Variants in HLCS observed in about 807,000 individuals in gnomAD.
The protein encoded by HLCS is biotin--protein ligase.
Under a neutral mutation model 75.0 loss-of-function variants are expected in HLCS, and 53 were observed. The ratio of observed to expected loss-of-function variants is 0.71; its 90% confidence interval spans 0.57 to 0.89. The LOEUF (loss-of-function observed/expected upper bound fraction) is 0.89. HLCS is among the 40% of genes least tolerant of loss of function. The probability of loss-of-function intolerance (pLI) is 0.00; values close to 1 mark genes in which losing one functional copy is unlikely to be tolerated. For missense variants in HLCS, 966 were observed against 1,074.0 expected (o/e 0.90, Z 1.41); for synonymous variants, 431 against 428.6 (o/e 1.01, Z -0.07).
At chr21:36,882,395 T>C (rs981299343) in intron 6 of HLCS, among the ~76,000 whole-genome samples, 2 of 152,014 alleles carry the variant, frequency 1.3e-5, no homozygotes, top group African/African-American at 2.4e-5. Context: ...TGTGTCAAAA[T>C]GGCAGGCAAG....
At chr21:36,843,424 A>G (rs1395465061) in intron 6 of HLCS, among the ~76,000 whole-genome samples, 1 of 151,752 alleles carries the variant, frequency 6.6e-6, no homozygotes, top group African/African-American at 2.4e-5. Context: ...GGCGACAGAG[A>G]GAGACCCTGT....
intron 5 of HLCS, among the ~76,000 whole-genome samples, chr21:36,928,873 C>T (rs1242210042): frequency 1.3e-5 from 2 of 152,156 alleles, no homozygotes; most frequent in Non-Finnish European, 2.9e-5. Flanking sequence ...GCATTTCATT[C>T]CCAAAGTTTG....
chr21:36,846,373 C>A (rs959992424), intron 6 of HLCS, among the ~76,000 whole-genome samples: 1 of 152,182 alleles, frequency 6.6e-6, no homozygotes. Context: ...TGTCGAGGTC[C>A]TCTGTCCTCC....
chr21:36,874,779 C>A (rs552638874), intron 6 of HLCS, among the ~76,000 whole-genome samples: 1 of 152,226 alleles, frequency 6.6e-6, no homozygotes, highest in South Asian at 2.1e-4. Context: ...CTGCCCCCTA[C>A]CAAGTCGGCT....
intron 3 of HLCS, among the ~76,000 whole-genome samples, chr21:36,938,579 GGC>G (rs1187400609): frequency 6.6e-6 from 1 of 152,110 alleles, no homozygotes; most frequent in Non-Finnish European, 1.5e-5. Context: ...GGCTCACTGT[GGC>G]CTCAACCTCC....
At chr21:36,969,339 T>C (rs2068721748), upstream of HLCS, among the ~76,000 whole-genome samples, 1 of 152,148 alleles carries the variant, frequency 6.6e-6, no homozygotes, top group Non-Finnish European at 1.5e-5. Flanking sequence ...CTGCTCAAAG[T>C]GTGGTCCTTA....
At chr21:36,907,226 ACAGGAGAAAAC>A (rs2065497847) in intron 5 of HLCS, among the ~76,000 whole-genome samples, 1 of 152,254 alleles carries the variant, frequency 6.6e-6, no homozygotes, top group African/African-American at 2.4e-5. Flanking sequence ...AAAATAAAAT[ACAGGAGAAAAC>A]CTTTCTGACT....
upstream of HLCS, among the ~76,000 whole-genome samples, chr21:36,967,746 GTCTC>G (rs750951843): frequency 2.2e-4 from 34 of 152,318 alleles, no homozygotes; most frequent in Admixed American, 4.6e-4. Flanking sequence ...TTTTGAGACA[GTCTC>G]TCTCTGTCAC....
intron 8 of HLCS, among the ~76,000 whole-genome samples, chr21:36,761,845 G>A (rs755428041): frequency 9.2e-5 from 14 of 152,126 alleles, no homozygotes; most frequent in African/African-American, 2.4e-4. Context: ...CTGCCTCGCC[G>A]GCGGGAGGAC....
At chr21:36,833,738 G>A (rs899311576) in intron 6 of HLCS, among the ~76,000 whole-genome samples, 5 of 152,050 alleles carry the variant, frequency 3.3e-5, no homozygotes, top group Admixed American at 2.6e-4. Context: ...GGATAAATCA[G>A]ATAAAATGAA....
At chr21:36,862,756 G>C (rs560474155) in intron 6 of HLCS, among the ~76,000 whole-genome samples, 164 of 152,142 alleles carry the variant, frequency 1.1e-3, no homozygotes, top group African/African-American at 3.8e-3. Context: ...TGGCTGATGA[G>C]CCTTATAGAG....
intron 6 of HLCS, among the ~76,000 whole-genome samples, chr21:36,816,757 T>A: frequency 6.6e-6 from 1 of 152,170 alleles, no homozygotes; most frequent in South Asian, 2.1e-4. Flanking sequence ...TGGAGATACA[T>A]GGCACAGCTC....
intron 6 of HLCS, among the ~76,000 whole-genome samples, chr21:36,775,416 C>T (rs1387270304): frequency 2.6e-5 from 4 of 152,252 alleles, no homozygotes; most frequent in Non-Finnish European, 5.9e-5. Context: ...GATGCCTGCG[C>T]ATCCACTGCC....
At chr21:36,946,402 G>A (rs757839370) in intron 2 of HLCS, among the ~76,000 whole-genome samples, 3 of 151,724 alleles carry the variant, frequency 2.0e-5, no homozygotes, top group East Asian at 1.9e-4. Flanking sequence ...CCACTATGAC[G>A]GGCTAATTTT....
chr21:36,761,197 T>C (rs2089828282), intron 8 of HLCS, among the ~76,000 whole-genome samples: 1 of 152,238 alleles, frequency 6.6e-6, no homozygotes, highest in Non-Finnish European at 1.5e-5. Context: ...AGAGAAATTA[T>C]GTGGCTTGCC....
chr21:36,947,419 A>C lies in HLCS; in HGVS notation c.331-8425T>G. ...CAAGCAGCGCTGGGTGCTCCGATCA[A>C]AGCAGAACCGCGCTGTCACTGATAC... is the stretch of plus-strand genomic sequence containing the variant. On this transcript the variant is annotated intron_variant, in intron 2 of 10. Transcript: ENST00000674895. The C allele has an allele frequency of 5.1e-6, 5 of 985,398 alleles. No homozygotes were observed. The African/African-American group carries it at 8.7e-5, about 17-fold the overall frequency. The allele number at this position is 985,398 out of a possible 1,614,324, so 61.0% of individuals were successfully genotyped here. A position where few individuals can be genotyped will look rare whatever the true frequency, so the allele number is the denominator to read the frequency against.
intron 6 of HLCS, among the ~76,000 whole-genome samples, chr21:36,887,985 T>C (rs2064544707): frequency 6.6e-6 from 1 of 152,188 alleles, no homozygotes; most frequent in South Asian, 2.1e-4. Flanking sequence ...TCCCTTAGAA[T>C]CTTTAGGACA....
intron 2 of HLCS, among the ~76,000 whole-genome samples, chr21:36,955,545 T>C (rs2067894360): frequency 1.3e-5 from 2 of 152,096 alleles, no homozygotes; most frequent in Admixed American, 6.6e-5. Flanking sequence ...AGAAAATATT[T>C]TTTACAGCTG....
chr21:36,758,898 C>G (rs535078730), intron 9 of HLCS, among the ~76,000 whole-genome samples: 6 of 152,008 alleles, frequency 3.9e-5, no homozygotes, highest in Admixed American at 3.9e-4. Flanking sequence ...CAAGGAGAAT[C>G]ACTTGAACCT....
Sources: allele counts gnomAD v4.1 joint callset (sites outside exome capture counted in the v4.1 genomes callset), GRCh38; gene constraint gnomAD v4.1.1; transcripts MANE v1.5; gene names NCBI Gene and HGNC (gene_info 2026-07-23, HGNC 2026-07-21).